The following TOM1 variants were observed in gnomAD, a reference collection of about 807,000 sequenced individuals.
TOM1 encodes the protein target of Myb protein 1.
Under a neutral mutation model 61.3 loss-of-function variants are expected in TOM1, and 38 were observed. The ratio of observed to expected loss-of-function variants is 0.62; its 90% CI spans 0.48 to 0.81. The LOEUF is 0.81. Ranked by LOEUF, TOM1 falls within the 40% of genes least tolerant of loss-of-function variation. TOM1 has a pLI of 0.00. For missense variants in TOM1, 591 were observed against 659.6 expected (o/e 0.90, Z 1.14); for synonymous variants, 270 against 268.8 (o/e 1.00, Z -0.04).
chr22:35,337,818 A>C (rs1466790606), intron 11 of TOM1, among the ~76,000 whole-genome samples: 3 of 152,180 alleles, frequency 2.0e-5, no homozygotes, highest in Non-Finnish European at 2.9e-5. Context: ...TCAAAGCTGC[A>C]CTGAGCCAGT....
intron 1 of TOM1, among the ~76,000 whole-genome samples, chr22:35,303,503 TC>T (rs1478094455): frequency 3.3e-5 from 5 of 150,628 alleles, no homozygotes; most frequent in South Asian, 2.1e-4. Flanking sequence ...TTTTATTATT[TC>T]TTTTTTTTTT....
chr22:35,323,349 C>G lies in TOM1; in HGVS notation c.367-147C>G, dbSNP rs945431176. 7 of 1,344,548 alleles carry G rather than the reference C, an allele frequency of 5.2e-6. No individual in the cohort carries two copies. The highest frequency in any genetic ancestry group is 2.1e-5 in the Admixed American group (1 of 47,034). 83.3% of individuals were successfully genotyped at this position (1,344,548 alleles called of 1,614,324 possible). ...TGTGGGGAGGGAGGCTTGCCAACTG[C>G]GTGCTTTGCTGTGGAGTGGGCAGGG... On this transcript the variant is annotated intron_variant, in intron 4 of 14. Coordinates refer to ENST00000449058, the MANE Select transcript of TOM1 (RefSeq NM_005488.3). The surrounding 1 kb of genome is among the most constrained non-coding windows in gnomAD (Gnocchi z 4.2).
At chr22:35,324,405 C>T (rs1044182184) in intron 6 of TOM1, among the ~76,000 whole-genome samples, 1 of 126,134 alleles carries the variant, frequency 7.9e-6, no homozygotes, top group Non-Finnish European at 1.5e-5. Context: ...CATAGAGAGA[C>T]CTGTTTCAAA....
At chr22:35,340,820 G>A (rs116597340) in intron 12 of TOM1, among the ~76,000 whole-genome samples, 198 of 152,278 alleles carry the variant, frequency 1.3e-3, no homozygotes, top group African/African-American at 3.8e-3. Context: ...CAAAGTCTTC[G>A]TGACCCCCAA....
intron 2 of TOM1, among the ~76,000 whole-genome samples, chr22:35,321,428 T>C (rs1927769916): frequency 6.6e-6 from 1 of 151,826 alleles, no homozygotes. Flanking sequence ...ATCTCGGCTC[T>C]CACTCTGTTG....
At chr22:35,325,097 G>A (rs1928197378) in intron 6 of TOM1, among the ~76,000 whole-genome samples, 1 of 152,240 alleles carries the variant, frequency 6.6e-6, no homozygotes, top group Non-Finnish European at 1.5e-5. Context: ...GGCTGCTGGG[G>A]TGGGGGCAGA....
intron 12 of TOM1, among the ~76,000 whole-genome samples, chr22:35,339,394 C>T: frequency 6.6e-6 from 1 of 152,108 alleles, no homozygotes; most frequent in East Asian, 1.9e-4. Context: ...CTACCAGTTA[C>T]CAGCTATGTG....
chr22:35,331,220 C>A, intron 8 of TOM1: 1 of 409,934 alleles, frequency 2.4e-6, no homozygotes, highest in Non-Finnish European at 4.8e-6. Flanking sequence ...CTCAGCCTGC[C>A]AGGTAGCCGG....
At position 35,323,470 on chromosome 22, in the gene TOM1, G is replaced by C. The variant is rs557229872; in HGVS notation, c.367-26G>C. ...GGCTCACAGGTGAGCTGTGGTTACC[G>C]GCTGTGTCCCCTTGTCCCCTCTCAG... On this transcript the variant is annotated intron_variant, in intron 4 of 14. Transcript: ENST00000449058. This position sits in a 1 kb window ranked among gnomAD's most constrained non-coding sequence, Gnocchi z 4.2. 15 of 1,612,214 alleles carry C rather than the reference G, an allele frequency of 9.3e-6. No homozygotes were observed. The highest frequency in any genetic ancestry group is 1.3e-5 in the African/African-American group (1 of 74,838).
intron 1 of TOM1, among the ~76,000 whole-genome samples, chr22:35,309,576 G>A (rs548765245): frequency 7.9e-5 from 12 of 151,424 alleles, no homozygotes; most frequent in South Asian, 6.3e-4. Context: ...CCGGTGAGGC[G>A]GAAGTTGCAG....
At chr22:35,342,773 T>C (rs1436732510) in intron 12 of TOM1, among the ~76,000 whole-genome samples, 2 of 135,450 alleles carry the variant, frequency 1.5e-5, no homozygotes, top group African/African-American at 5.6e-5. Flanking sequence ...CACACACATC[T>C]ACACCCACCA....
rs192553892 is a variant in TOM1, at chr22:35,302,489, G to A, written c.52+2509G>A. On this transcript the variant is annotated intron_variant, in intron 1 of 14. Coordinates refer to ENST00000449058, the MANE Select transcript of TOM1 (RefSeq NM_005488.3). ...GTAGCCGGGATTACAGGCACGCTCCGCCACACCCGACTAATTTTGTATTTT... is the reference window on the plus strand; with the variant it reads ...GTAGCCGGGATTACAGGCACGCTCCACCACACCCGACTAATTTTGTATTTT... Among the ~76,000 whole-genome samples, 59 of 151,548 alleles carry A rather than the reference G, an allele frequency of 3.9e-4. No individual in the cohort carries two copies. The East Asian group carries it at 8.7e-3, about 22-fold the overall frequency.
intron 1 of TOM1, among the ~76,000 whole-genome samples, chr22:35,306,154 T>A (rs202189786): frequency 6.7e-6 from 1 of 148,220 alleles, no homozygotes; most frequent in African/African-American, 2.4e-5. Context: ...CTTTTTTTTT[T>A]CCCAACTATT....
chr22:35,328,941 A>G (rs1928577004), intron 7 of TOM1, among the ~76,000 whole-genome samples: 1 of 152,114 alleles, frequency 6.6e-6, no homozygotes, highest in South Asian at 2.1e-4. Flanking sequence ...GAAAACCCAT[A>G]TGGCTATGGT....
intron 2 of TOM1, among the ~76,000 whole-genome samples, chr22:35,318,570 C>T (rs973257514): frequency 3.9e-5 from 6 of 152,234 alleles, no homozygotes; most frequent in African/African-American, 1.2e-4. Flanking sequence ...GTCTTGGCCT[C>T]CAATGTCTGA....
chr22:35,311,694 C>A (rs1926840663), intron 1 of TOM1, among the ~76,000 whole-genome samples: 1 of 152,228 alleles, frequency 6.6e-6, no homozygotes, highest in East Asian at 1.9e-4. Context: ...GGAGAGCACA[C>A]AAGTTTGGAG....
chr22:35,306,561 T>G (rs1926346793), intron 1 of TOM1, among the ~76,000 whole-genome samples: 1 of 152,178 alleles, frequency 6.6e-6, no homozygotes, highest in South Asian at 2.1e-4. Flanking sequence ...CCTCAACAGC[T>G]TTGTTACCAG....
intron 1 of TOM1, among the ~76,000 whole-genome samples, chr22:35,316,718 G>T (rs757717708): frequency 6.6e-6 from 1 of 152,198 alleles, no homozygotes; most frequent in Admixed American, 6.5e-5. Context: ...AGTATTACAG[G>T]TGTACCAAAT....
chr22:35,299,817 C>T (rs942096946), upstream of TOM1: 7 of 1,281,314 alleles, frequency 5.5e-6, no homozygotes, highest in African/African-American at 1.5e-5. Flanking sequence ...GCGGTGCCAC[C>T]GCCCCGCCCA....
Sources: gnomAD v4.1 joint callset for allele counts (sites outside exome capture counted in the v4.1 genomes callset) on GRCh38, gnomAD v4.1.1 for gene constraint, Gnocchi (gnomAD v3.1) non-coding constraint, MANE v1.5 for transcripts, NCBI Gene and HGNC (gene_info 2026-07-23, HGNC 2026-07-21) for gene names.